Variants in PSMA1 observed in about 807,000 individuals in gnomAD.
The protein encoded by PSMA1 is proteasome 20S subunit alpha 1, also known as proteasome subunit alpha type-1.
A neutral mutation model predicts 38.4 loss-of-function variants in PSMA1; 3 were observed. The observed-to-expected ratio is 0.08, with a 90% CI of 0.04 to 0.20. PSMA1 has a LOEUF of 0.20. PSMA1 is among the 10% of genes least tolerant of loss of function. PSMA1 has a pLI of 1.00. For synonymous variants in PSMA1, 101 were observed against 107.1 expected, an observed-to-expected ratio of 0.94 and a Z score of 0.35; for missense variants, 227 against 325.3, an observed-to-expected ratio of 0.70 and a Z score of 2.32.
intron 2 of PSMA1, among the ~76,000 whole-genome samples, chr11:14,533,913 G>A (rs2134160830): frequency 6.6e-6 from 1 of 151,568 alleles, no homozygotes; most frequent in South Asian, 2.1e-4. Context: ...GGGCGCAGTG[G>A]CTCATGCCTG....
chr11:14,627,240 C>G (rs759123991), intron 1 of PSMA1, among the ~76,000 whole-genome samples: 1 of 152,160 alleles, frequency 6.6e-6, no homozygotes, highest in Non-Finnish European at 1.5e-5. Context: ...ATCCATAACA[C>G]TCATCATTAA....
At chr11:14,544,919 G>A (rs1197399025) in intron 2 of PSMA1, among the ~76,000 whole-genome samples, 1 of 152,192 alleles carries the variant, frequency 6.6e-6, no homozygotes, top group African/African-American at 2.4e-5. Flanking sequence ...CTAAGAAGGG[G>A]AAACAACCTA....
At chr11:14,600,354 G>T (rs762065541) in intron 2 of PSMA1, among the ~76,000 whole-genome samples, 7 of 152,202 alleles carry the variant, frequency 4.6e-5, no homozygotes, top group Non-Finnish European at 1.0e-4. Context: ...GCCCACAGAG[G>T]TGAAGTCTAG....
chr11:14,562,736 C>A (rs1344561726), intron 2 of PSMA1, among the ~76,000 whole-genome samples: 3 of 151,900 alleles, frequency 2.0e-5, no homozygotes, highest in Admixed American at 2.0e-4. Context: ...GCGATCCTCC[C>A]ATCCCAGCCT....
chr11:14,635,372 C>T (rs1009182789), intron 1 of PSMA1, among the ~76,000 whole-genome samples: 31 of 152,114 alleles, frequency 2.0e-4, no homozygotes, highest in African/African-American at 7.5e-4. Context: ...AATATAGTTA[C>T]CAAAGCACCA....
Position 14,513,823 on chromosome 11 carries a change from A to T in PSMA1, c.408T>A (p.Gly136=), listed in dbSNP as rs1456383864. ...RPYGVGLLIA[G]YDDMGPHIFQ... ...CAATATTCAATGAACTTACATCATA[A>T]CCAGCAATAAGGAGACCAACACCAT... The change falls in exon 6 of 10, where the codon GGT becomes GGA. Residue 136 remains glycine (G), a synonymous_variant. Coordinates refer to ENST00000396394, the MANE Select transcript of PSMA1 (RefSeq NM_002786.4). The T allele has an allele frequency of 6.3e-7, 1 of 1,589,556 alleles. No individual in the cohort carries two copies. The highest frequency in any genetic ancestry group is 8.5e-7 in the Non-Finnish European group (1 of 1,172,494).
chr11:14,575,409 C>T (rs888491283), intron 2 of PSMA1, among the ~76,000 whole-genome samples: 1 of 151,988 alleles, frequency 6.6e-6, no homozygotes, highest in East Asian at 1.9e-4. Flanking sequence ...TCCCTCCCCC[C>T]TACCCCCACC....
chr11:14,505,526 T>C (rs146262266), intron 9 of PSMA1, among the ~76,000 whole-genome samples: 5 of 148,328 alleles, frequency 3.4e-5, no homozygotes, highest in African/African-American at 1.2e-4. Flanking sequence ...TATATGCAGA[T>C]TTCTTTTTCT....
chr11:14,561,672 A>G (rs1286631565), intron 2 of PSMA1, among the ~76,000 whole-genome samples: 4 of 152,148 alleles, frequency 2.6e-5, no homozygotes, highest in Middle Eastern at 3.2e-3. Context: ...GCTGCATCAG[A>G]AAGTGTGGGA....
At chr11:14,586,742 T>C (rs940134754) in intron 2 of PSMA1, among the ~76,000 whole-genome samples, 5 of 151,994 alleles carry the variant, frequency 3.3e-5, no homozygotes, top group Admixed American at 2.6e-4. Context: ...ACTGCAGCCA[T>C]CATCAATCTC....
rs913775958 is a variant in PSMA1 at position 14,534,206 on chromosome 11, A to C, written c.22-15165T>G. On this transcript the variant is annotated intron_variant, in intron 2 of 10. Transcript: ENST00000418988. This position sits in a 1 kb window ranked among gnomAD's most constrained non-coding sequence, Gnocchi z 4.5. ...CAAAAATACATACATACATACATACATAAATAAAATAAAATAAAAATTAAT... is the reference window on the plus strand; with the variant it reads ...CAAAAATACATACATACATACATACCTAAATAAAATAAAATAAAAATTAAT... 1.3e-5 allele frequency among the ~76,000 whole-genome samples: 2 copies of C among 152,190 alleles called. No individual in the cohort carries two copies. Among genetic ancestry groups the C allele is most frequent in the Non-Finnish European group, 2.9e-5 (2 of 68,026 alleles).
At chr11:14,507,399 C>T (rs1851261768) in intron 9 of PSMA1, among the ~76,000 whole-genome samples, 1 of 152,114 alleles carries the variant, frequency 6.6e-6, no homozygotes, top group Non-Finnish European at 1.5e-5. Flanking sequence ...ATCTGTTGAC[C>T]TCGTGATTCA....
chr11:14,555,653 T>C (rs966282018), intron 2 of PSMA1, among the ~76,000 whole-genome samples: 3 of 152,210 alleles, frequency 2.0e-5, no homozygotes, highest in African/African-American at 7.2e-5. Context: ...TTTTCAGTTT[T>C]AGATATCATC....
intron 2 of PSMA1, among the ~76,000 whole-genome samples, chr11:14,533,886 A>C (rs539127160): frequency 6.6e-6 from 1 of 152,042 alleles, no homozygotes; most frequent in South Asian, 2.1e-4. Flanking sequence ...AACACATAAA[A>C]TTAATATCTC....
At chr11:14,623,927 T>C (rs555361054) in intron 1 of PSMA1, among the ~76,000 whole-genome samples, 46 of 152,306 alleles carry the variant, frequency 3.0e-4, no homozygotes, top group Non-Finnish European at 5.1e-4. Flanking sequence ...AGGGTTGTTT[T>C]CACCTATTCT....
chr11:14,584,507 G>T (rs2575851), intron 2 of PSMA1, among the ~76,000 whole-genome samples: 15,046 of 123,470 alleles, frequency 0.12, 1,193 homozygotes, highest in African/African-American at 0.25. Context: ...TTTGTTTTTT[G>T]TTTTTTTTTT....
chr11:14,592,394 A>ATAT (rs1353768420), intron 2 of PSMA1, among the ~76,000 whole-genome samples: 68 of 138,134 alleles, frequency 4.9e-4, no homozygotes, highest in South Asian at 1.6e-3. Context: ...ATATATATAT[A>ATAT]TTTTTTTTTT....
At chr11:14,601,408 T>G (rs1852578844) in intron 2 of PSMA1, among the ~76,000 whole-genome samples, 1 of 152,166 alleles carries the variant, frequency 6.6e-6, no homozygotes, top group South Asian at 2.1e-4. Flanking sequence ...GGGTCTGGGA[T>G]GAAATTTGCA....
chr11:14,523,670 A>T (rs1361301119), upstream of PSMA1, among the ~76,000 whole-genome samples: 1 of 149,408 alleles, frequency 6.7e-6, no homozygotes, highest in Non-Finnish European at 1.5e-5. Context: ...TTCAGCCTGG[A>T]CCTCCTGGGC....
Sources: gnomAD v4.1 joint callset for allele counts (sites outside exome capture counted in the v4.1 genomes callset) on GRCh38, gnomAD v4.1.1 for gene constraint, Gnocchi (gnomAD v3.1) non-coding constraint, MANE v1.5 for transcripts, NCBI Gene and HGNC (gene_info 2026-07-23, HGNC 2026-07-21) for gene names.